The following DCAF1 variants were observed in gnomAD, a reference collection of about 807,000 sequenced individuals.
DCAF1 encodes DDB1- and CUL4-associated factor 1.
In DCAF1, 15 loss-of-function variants were observed where a neutral mutation model predicts 128.0. That is an observed-to-expected ratio of 0.12 (90% confidence interval 0.08 to 0.18). The LOEUF is 0.18. Among genes scored for constraint, DCAF1 ranks in the 10% least tolerant of loss-of-function variants. The probability of loss-of-function intolerance (pLI) is 1.00; values close to 1 mark genes in which losing one functional copy is unlikely to be tolerated. For missense variants in DCAF1, 988 were observed against 1,649.5 expected, an observed-to-expected ratio of 0.60 and a Z score of 6.95; for synonymous variants, 610 against 603.0, an observed-to-expected ratio of 1.01 and a Z score of -0.17.
rs146903469 is a variant in DCAF1 at position 51,402,119 on chromosome 3, A to C, written c.4465+1024T>G. Among the ~76,000 whole-genome samples, 789 of 152,330 alleles carry C rather than the reference A, an allele frequency of 5.2e-3. 11 individuals are homozygous for C. Among genetic ancestry groups the C allele is most frequent in the African/African-American group, 0.016 (685 of 41,570 alleles). ...GACTTCAGAAACCTAATGGGAAATA[A>C]CTAGAAGAACTGGAGTTTGTTCCTC... On this transcript the variant is annotated intron_variant, in intron 24 of 24. Transcript: ENST00000684031.
chr3:51,483,811 T>C lies in DCAF1; in HGVS notation c.18A>G (p.Val6=). 6.2e-7 allele frequency: 1 copy of C among 1,613,750 alleles called. No individual in the cohort carries two copies. The highest frequency in any genetic ancestry group is 8.5e-7 in the Non-Finnish European group (1 of 1,179,714). ...TGAGCTCAGCTTTGGAGTCCACATG[T>C]ACCACTACTGTAGTCATGGCTTTGC... MTTVV[V]HVDSKAELTT... is the part of the protein sequence containing the mutation. Residue 6 remains valine, a synonymous_variant, in exon 3 of 25, where the codon GTA becomes GTG. Transcript: ENST00000684031.
At chr3:51,461,545 A>G (rs1553644526) in intron 6 of DCAF1, among the ~76,000 whole-genome samples, 1 of 152,104 alleles carries the variant, frequency 6.6e-6, no homozygotes, top group African/African-American at 2.4e-5. Context: ...CATTTGACCC[A>G]GCCATCCCAT....
chr3:51,478,151 G>A (rs1272214491), intron 3 of DCAF1, among the ~76,000 whole-genome samples: 8 of 151,828 alleles, frequency 5.3e-5, no homozygotes, highest in South Asian at 2.1e-4. Context: ...CTACAGGCAC[G>A]TGCCACCACG....
At chr3:51,461,459 T>A (rs1436446475) in intron 6 of DCAF1, among the ~76,000 whole-genome samples, 1 of 152,162 alleles carries the variant, frequency 6.6e-6, no homozygotes, top group Non-Finnish European at 1.5e-5. Flanking sequence ...TTTACACTGT[T>A]GGTGGGACTG....
At chr3:51,416,944 G>A (rs1490175375) in intron 17 of DCAF1, 73 bp from the exon 18 acceptor site, 73 of 1,542,332 alleles carry the variant, frequency 4.7e-5, no homozygotes, top group Non-Finnish European at 6.0e-5. Context: ...TGAAACACAG[G>A]TGACCCCCAG....
At chr3:51,424,398 G>C (rs1356757162) in intron 13 of DCAF1, among the ~76,000 whole-genome samples, 1 of 148,024 alleles carries the variant, frequency 6.8e-6, no homozygotes, top group East Asian at 2.0e-4. Flanking sequence ...GCAAGACTCT[G>C]CCTCAAAAAA....
chr3:51,399,283 T>C (rs2089468503), intron 24 of DCAF1, among the ~76,000 whole-genome samples: 1 of 152,228 alleles, frequency 6.6e-6, no homozygotes, highest in Non-Finnish European at 1.5e-5. Context: ...AAGTGAGAGA[T>C]GTATCTTTTC....
At chr3:51,431,834 G>A (rs1329056542) in intron 10 of DCAF1, among the ~76,000 whole-genome samples, 3 of 151,852 alleles carry the variant, frequency 2.0e-5, no homozygotes, top group African/African-American at 7.3e-5. Flanking sequence ...AGCCAGGTGT[G>A]GTGGTGCACG....
chr3:51,402,668 AG>A (rs1553625283), intron 24 of DCAF1, among the ~76,000 whole-genome samples: 1 of 128,758 alleles, frequency 7.8e-6, no homozygotes, highest in African/African-American at 3.0e-5. Context: ...TCCGCCTCCC[AG>A]GTTCAAGCGA....
At position 51,494,410 on chromosome 3, in the gene DCAF1, G is replaced by A. The variant is rs572161103; in HGVS notation, c.-9+2324C>T. Reference sequence around the variant, plus strand: ...ATTACAGGTGTGAGCCACCGCGCCCGGCCGAGGTTTCCTTTTAAGGTGATA... The same window carrying A: ...ATTACAGGTGTGAGCCACCGCGCCCAGCCGAGGTTTCCTTTTAAGGTGATA... On this transcript the variant is annotated intron_variant, in intron 2 of 24. Coordinates refer to ENST00000684031, the MANE Select transcript of DCAF1 (RefSeq NM_001387579.1). Among the ~76,000 whole-genome samples, 40 of 152,128 alleles carry A rather than the reference G, an allele frequency of 2.6e-4. No homozygotes were observed. In the South Asian group the frequency reaches 4.6e-3, roughly 17 times the overall value.
chr3:51,416,293 C>A (rs540615912), intron 18 of DCAF1, among the ~76,000 whole-genome samples: 1 of 152,172 alleles, frequency 6.6e-6, no homozygotes, highest in Admixed American at 6.5e-5. Context: ...CTGTGCCTTA[C>A]GCTGTTCCTC....
rs1232730909 is a variant in DCAF1 at position 51,422,428 on chromosome 3, A to G, written c.1851T>C (p.Asn617=). ...CATCCAAAGCAAAGCGCACAGTGTCATTCCTGGACAGGAAGAATTAGTCAA... is the reference window on the plus strand; with the variant it reads ...CATCCAAAGCAAAGCGCACAGTGTCGTTCCTGGACAGGAAGAATTAGTCAA... ...ACNWKTYYAR[N]DTVRFALDVL... The change falls in exon 14 of 25, where the codon AAT becomes AAC. Residue 617 remains asparagine, a synonymous_variant. Transcript: ENST00000684031. 1.4e-6 allele frequency: 1 copy of G among 721,296 alleles called. No homozygotes were observed. Among genetic ancestry groups the G allele is most frequent in the East Asian group, 2.7e-5 (1 of 37,560 alleles). The allele number at this position is 721,296 out of a possible 1,614,324, so 44.7% of individuals were successfully genotyped here.
chr3:51,470,792 C>A (rs1704646593), intron 4 of DCAF1, 137 bp downstream of exon 4: 1 of 502,378 alleles, frequency 2.0e-6, no homozygotes, highest in Non-Finnish European at 3.5e-6. Flanking sequence ...AAACTTACCA[C>A]AAAAGACGCT....
At chr3:51,431,166 CAAAACA>C (rs1374123867) in intron 10 of DCAF1, among the ~76,000 whole-genome samples, 1 of 151,908 alleles carries the variant, frequency 6.6e-6, no homozygotes, top group African/African-American at 2.4e-5. Flanking sequence ...GACCCTGCCT[CAAAACA>C]AAAACAAAAA....
At chr3:51,480,372 G>A (rs994979334) in intron 3 of DCAF1, among the ~76,000 whole-genome samples, 2 of 151,838 alleles carry the variant, frequency 1.3e-5, no homozygotes, top group African/African-American at 2.4e-5. Flanking sequence ...TGAGGTGGGC[G>A]GATCATGAGG....
intron 23 of DCAF1, among the ~76,000 whole-genome samples, chr3:51,405,543 A>C (rs1374843144): frequency 6.6e-6 from 1 of 152,254 alleles, no homozygotes; most frequent in African/African-American, 2.4e-5. Context: ...GATCTACCTG[A>C]ATCTCAAGTT....
At chr3:51,440,610 A>C (rs1701275390) in intron 9 of DCAF1, among the ~76,000 whole-genome samples, 1 of 152,046 alleles carries the variant, frequency 6.6e-6, no homozygotes, top group African/African-American at 2.4e-5. Context: ...TCTAAAAATA[A>C]ATAAGTAAAG....
At chr3:51,444,027 G>A in intron 6 of DCAF1, 124 bp from the exon 7 acceptor site, 1 of 826,772 alleles carries the variant, frequency 1.2e-6, no homozygotes, top group East Asian at 2.8e-5. Context: ...AGTAAAAAAA[G>A]TACTACTACA....
At chr3:51,478,986 A>G (rs1322443839) in intron 3 of DCAF1, among the ~76,000 whole-genome samples, 1 of 152,180 alleles carries the variant, frequency 6.6e-6, no homozygotes, top group Admixed American at 6.6e-5. Context: ...CACTGCACAA[A>G]CAAAAAGATT....
Sources: gnomAD v4.1 joint callset for allele counts (sites outside exome capture counted in the v4.1 genomes callset) on GRCh38, gnomAD v4.1.1 for gene constraint, MANE v1.5 for transcripts, NCBI Gene and HGNC (gene_info 2026-07-23, HGNC 2026-07-21) for gene names.